Variants in FAM78B observed in about 807,000 individuals in gnomAD.
The protein encoded by FAM78B is protein FAM78B.
FAM78B carries 10 observed loss-of-function variants against 20.0 expected under a neutral mutation model. That is an observed-to-expected ratio of 0.50 (90% confidence interval 0.31 to 0.85). The LOEUF (loss-of-function observed/expected upper bound fraction) is 0.85, where lower values mean the gene tolerates loss of function less well. Ranked by LOEUF, FAM78B falls within the 40% of genes least tolerant of loss-of-function variation. The pLI, the probability that FAM78B is intolerant of heterozygous loss-of-function variation, is 0.05. For missense variants in FAM78B, 283 were observed against 345.0 expected (o/e 0.82, Z 1.42); for synonymous variants, 135 against 132.8 (o/e 1.02, Z -0.12).
chr1:166,085,357 T>A (rs1030141958), intron 1 of FAM78B, among the ~76,000 whole-genome samples: 1 of 152,186 alleles, frequency 6.6e-6, no homozygotes, highest in Non-Finnish European at 1.5e-5. Context: ...TCCCTTCCCA[T>A]CTGGACCTAA....
At chr1:166,122,672 T>C (rs928649026) in intron 1 of FAM78B, among the ~76,000 whole-genome samples, 7 of 152,238 alleles carry the variant, frequency 4.6e-5, no homozygotes, top group Admixed American at 2.6e-4. Context: ...TGTCGTTCTA[T>C]ATGTTATTTG....
intron 1 of FAM78B, among the ~76,000 whole-genome samples, chr1:166,093,187 T>C (rs982951787): frequency 6.6e-6 from 1 of 152,224 alleles, no homozygotes; most frequent in Non-Finnish European, 1.5e-5. Context: ...TTTTCAAATA[T>C]ATATCTCTCC....
At chr1:166,068,224 C>T (rs1651875320), downstream of FAM78B, among the ~76,000 whole-genome samples, 1 of 152,120 alleles carries the variant, frequency 6.6e-6, no homozygotes, top group Admixed American at 6.5e-5. Flanking sequence ...AGAGTGCTGC[C>T]TGTGGTGTCA....
chr1:166,076,269 A>G (rs1192525015), intron 1 of FAM78B, among the ~76,000 whole-genome samples: 1 of 151,798 alleles, frequency 6.6e-6, no homozygotes, highest in Non-Finnish European at 1.5e-5. Flanking sequence ...CCGGTTCCCT[A>G]TTTCCTCTCT....
intron 1 of FAM78B, among the ~76,000 whole-genome samples, chr1:166,072,005 C>T (rs1652050123): frequency 6.6e-6 from 1 of 152,152 alleles, no homozygotes; most frequent in Non-Finnish European, 1.5e-5. Flanking sequence ...AGGGATGATG[C>T]TTGGTAATAA....
In FAM78B at chr1:166,109,902, A is replaced by ATGTGTG. The variant is rs1391346078; in HGVS notation, c.264-39140_264-39139insCACACA. On this transcript the variant is annotated intron_variant, in intron 1 of 1. Coordinates refer to ENST00000354422, the MANE Select transcript of FAM78B (RefSeq NM_001017961.5). ...TATATGTATATATGTATATATATAT[A>ATGTGTG]TATATATATATATATATAATGGAAT... Among the ~76,000 whole-genome samples the ATGTGTG allele has an allele frequency of 7.2e-4, 67 of 93,546 alleles. 3 individuals carry two copies. Among genetic ancestry groups the ATGTGTG allele is most frequent in the African/African-American group, 2.1e-3 (62 of 29,976 alleles). 61.4% of individuals were successfully genotyped at this position (93,546 alleles called of 152,430 possible). A position where few individuals can be genotyped will look rare whatever the true frequency, so the allele number is the denominator to read the frequency against.
At position 166,166,296 on chromosome 1, in the gene FAM78B, CCGCGCGGGCAGCCGGGGGCG is replaced by C. The variant is rs1050157958; in HGVS notation, c.-68_-49del. ...GCGCGGCGTGGGGCAGCGCGGGGGC[CCGCGCGGGCAGCCGGGGGCG>C]CCCGTCACGCCGGCATGGCGACGCG... On this transcript the variant is annotated 5_prime_UTR_variant, in exon 1 of 2. Transcript: ENST00000354422. 1.7e-5 allele frequency: 20 copies of C among 1,195,188 alleles called. 2 individuals carry two copies. The highest frequency in any genetic ancestry group is 9.0e-5 in the Admixed American group (2 of 22,140). 74.0% of individuals were successfully genotyped at this position (1,195,188 alleles called of 1,614,324 possible). A position where few individuals can be genotyped will look rare whatever the true frequency, so the allele number is the denominator to read the frequency against.
rs1219430009 is a variant in FAM78B at position 166,086,393 on chromosome 1, C to CATT, written c.264-15633_264-15631dup. ...CTGCTGCTGGAGCAGTCATTTCTCT[C>CATT]ATTTCTCTCACTGGCGCTGGGCAGG... On this transcript the variant is annotated intron_variant, in intron 1 of 1. Coordinates refer to ENST00000354422, the MANE Select transcript of FAM78B (RefSeq NM_001017961.5). 1.1e-3 allele frequency among the ~76,000 whole-genome samples: 165 copies of CATT among 152,282 alleles called. 1 individual carries two copies. The highest frequency in any genetic ancestry group is 2.4e-4 in the Non-Finnish European group (16 of 68,038).
chr1:166,111,312 G>C (rs891136918), intron 1 of FAM78B, among the ~76,000 whole-genome samples: 1 of 152,206 alleles, frequency 6.6e-6, no homozygotes, highest in African/African-American at 2.4e-5. Context: ...GGAAGGGTAA[G>C]GTTATATTGA....
chr1:166,119,635 T>C (rs1654391810), intron 1 of FAM78B, among the ~76,000 whole-genome samples: 1 of 152,230 alleles, frequency 6.6e-6, no homozygotes, highest in Admixed American at 6.5e-5. Flanking sequence ...TCCTCCTCTT[T>C]GCCATTTACA....
chr1:166,071,498 CCTGG>C (rs1652030571), intron 1 of FAM78B, among the ~76,000 whole-genome samples: 1 of 152,224 alleles, frequency 6.6e-6, no homozygotes, highest in South Asian at 2.1e-4. Context: ...ACCTACTCCT[CCTGG>C]CTGTCTCTGA....
At chr1:166,065,918 G>A (rs1170796243), downstream of FAM78B, among the ~76,000 whole-genome samples, 2 of 152,204 alleles carry the variant, frequency 1.3e-5, no homozygotes, top group African/African-American at 4.8e-5. Context: ...GAGTATGTGA[G>A]TGTGGCAGGT....
At chr1:166,115,682 C>A (rs1002153425) in intron 1 of FAM78B, among the ~76,000 whole-genome samples, 2 of 152,094 alleles carry the variant, frequency 1.3e-5, no homozygotes, top group African/African-American at 4.8e-5. Context: ...TCCAGGACAC[C>A]GTTGTAAGTG....
intron 1 of FAM78B, among the ~76,000 whole-genome samples, chr1:166,120,646 G>A (rs192916972): frequency 6.5e-4 from 99 of 152,288 alleles, no homozygotes; most frequent in Middle Eastern, 6.8e-3. Context: ...GGGTCCCTGC[G>A]GACGACTGCA....
chr1:166,066,198 T>A (rs1355947978), downstream of FAM78B, among the ~76,000 whole-genome samples: 1 of 152,194 alleles, frequency 6.6e-6, no homozygotes, highest in East Asian at 1.9e-4. Context: ...AGGATTCTGA[T>A]GCCAGGAGAG....
intron 1 of FAM78B, among the ~76,000 whole-genome samples, chr1:166,103,191 A>G (rs1026436226): frequency 6.6e-6 from 1 of 152,226 alleles, no homozygotes; most frequent in African/African-American, 2.4e-5. Context: ...AATCTCTGGG[A>G]CACATTTAAA....
Position 166,070,147 on chromosome 1 carries a change from G to A in FAM78B, c.*94C>T. 7.0e-7 allele frequency: 1 copy of A among 1,428,850 alleles called. No homozygotes were observed. The highest frequency in any genetic ancestry group is 9.2e-7 in the Non-Finnish European group (1 of 1,086,320). The allele number at this position is 1,428,850 out of a possible 1,614,324, so 88.5% of individuals were successfully genotyped here. A position where few individuals can be genotyped will look rare whatever the true frequency, so the allele number is the denominator to read the frequency against. On this transcript the variant is annotated 3_prime_UTR_variant, in exon 2 of 2. Coordinates refer to ENST00000354422, the MANE Select transcript of FAM78B (RefSeq NM_001017961.5). ...GCTGGCAAACCGAGAGGTCTGCTTT[G>A]GCTCAGAAACTCTGTTTGGCTCCTG...
At chr1:166,057,004 C>T (rs13374514), downstream of FAM78B, among the ~76,000 whole-genome samples, 338 of 152,280 alleles carry the variant, frequency 2.2e-3, no homozygotes, top group African/African-American at 7.6e-3. Context: ...CTGGAAGGTG[C>T]CAAGTACGAA....
intron 1 of FAM78B, among the ~76,000 whole-genome samples, chr1:166,147,335 T>C (rs1655499681): frequency 6.6e-6 from 1 of 152,212 alleles, no homozygotes; most frequent in African/African-American, 2.4e-5. Flanking sequence ...AACGCCTAAA[T>C]GAGCATCAGT....
Sources: gnomAD v4.1 joint callset for allele counts (sites outside exome capture counted in the v4.1 genomes callset) on GRCh38, gnomAD v4.1.1 for gene constraint, MANE v1.5 for transcripts, NCBI Gene and HGNC (gene_info 2026-07-23, HGNC 2026-07-21) for gene names.